The following TSC22D2 variants were observed in gnomAD, a reference collection of about 807,000 sequenced individuals.
TSC22D2 encodes TSC22 domain family protein 2.
TSC22D2 carries 5 observed loss-of-function variants against 50.1 expected under a neutral mutation model. The observed-to-expected ratio is 0.10, with a 90% CI of 0.05 to 0.21. The LOEUF is 0.21. Among genes scored for constraint, TSC22D2 ranks in the 10% least tolerant of loss-of-function variants. TSC22D2 has a pLI of 1.00. For missense variants in TSC22D2, 1,003 were observed against 1,015.5 expected (o/e 0.99, Z 0.17); for synonymous variants, 501 against 450.1 (o/e 1.11, Z -1.43).
rs201481721 is a variant in TSC22D2 at position 150,459,117 on chromosome 3, TCA to T, written c.*484_*485del. On this transcript the variant is annotated 3_prime_UTR_variant, in exon 3 of 3. Coordinates refer to ENST00000688009, the MANE Select transcript of TSC22D2 (RefSeq NM_001303264.2). ...ATTTTCATAATGTACATGAACAATG[TCA>T]CAGAACTTTTTTAATTTTTTTGAAT... The T allele has an allele frequency of 0.024, 3,628 of 152,770 alleles. 57 individuals are homozygous for T. Among genetic ancestry groups the T allele is most frequent in the Middle Eastern group, 0.065 (19 of 294 alleles). The allele number at this position is 152,770 out of a possible 1,614,324, so 9.5% of individuals were successfully genotyped here. A position where few individuals can be genotyped will look rare whatever the true frequency, so the allele number is the denominator to read the frequency against.
chr3:150,434,289 C>T (rs1046068070), intron 1 of TSC22D2, among the ~76,000 whole-genome samples: 2 of 151,710 alleles, frequency 1.3e-5, no homozygotes, highest in African/African-American at 2.4e-5. Flanking sequence ...ATTACAGGCA[C>T]CACCACCACG....
At chr3:150,429,789 C>A (rs75098153) in intron 1 of TSC22D2, among the ~76,000 whole-genome samples, 1 of 152,112 alleles carries the variant, frequency 6.6e-6, no homozygotes, top group Non-Finnish European at 1.5e-5. Context: ...TTTAACAATA[C>A]GTGTTTGTCC....
At position 150,409,930 on chromosome 3, in the gene TSC22D2, G is replaced by C; in HGVS notation, c.580G>C (p.Val194Leu). Residue 194 changes from valine to leucine, a missense_variant, in exon 1 of 3, where the codon GTC becomes CTC. Val to Leu is a conservative substitution (Grantham distance 32). This residue lies in a region of TSC22D2 where 696 missense variants were observed against 647.8 expected (regional missense o/e 1.07). Coordinates refer to ENST00000688009, the MANE Select transcript of TSC22D2 (RefSeq NM_001303264.2). The surrounding 1 kb of genome is among the most constrained non-coding windows in gnomAD (Gnocchi z 7.4). The part of the protein sequence containing the change: ...EYYERDSDSS[V>L]LTRSGDCIRH... ...CTATGAGAGGGATTCAGACAGCAGC[G>C]TCCTGACTAGATCCGGGGATTGCAT... 1 of 1,613,978 alleles carries C rather than the reference G, an allele frequency of 6.2e-7. No homozygotes were observed. The highest frequency in any genetic ancestry group is 8.5e-7 in the Non-Finnish European group (1 of 1,180,042).
intron 1 of TSC22D2, among the ~76,000 whole-genome samples, chr3:150,455,565 T>C (rs934528124): frequency 1.7e-4 from 26 of 152,330 alleles, no homozygotes; most frequent in African/African-American, 4.8e-4. Flanking sequence ...CATTGAGGCA[T>C]TGACATCAAC....
chr3:150,420,731 G>C (rs1390016355), intron 1 of TSC22D2, among the ~76,000 whole-genome samples: 1 of 152,180 alleles, frequency 6.6e-6, no homozygotes, highest in Non-Finnish European at 1.5e-5. Flanking sequence ...AATTTACCTG[G>C]AATATGAATT....
rs755470637 is a variant in TSC22D2 at position 150,409,688 on chromosome 3, T to C, written c.338T>C (p.Val113Ala). Residue 113 changes from valine to alanine, a missense_variant, in exon 1 of 3, where the codon GTG (valine) becomes GCG (alanine). By Grantham distance (64) the Val-to-Ala change is moderately conservative. Transcript: ENST00000688009. This position sits in a 1 kb window ranked among gnomAD's most constrained non-coding sequence, Gnocchi z 7.4. ...NGGGVVSARS[V>A]SGALASTLAA... ...GGAGGAGTCGTTTCGGCCCGGAGCG[T>C]GTCTGGGGCGCTCGCCAGTACCCTG... The C allele has an allele frequency of 6.3e-6, 10 of 1,589,548 alleles. No homozygotes were observed. Among genetic ancestry groups the C allele is most frequent in the Non-Finnish European group, 8.5e-6 (10 of 1,169,690 alleles).
At chr3:150,434,683 C>T (rs1312782602) in intron 1 of TSC22D2, among the ~76,000 whole-genome samples, 2 of 152,070 alleles carry the variant, frequency 1.3e-5, no homozygotes, top group Non-Finnish European at 2.9e-5. Flanking sequence ...CTTCTTAGAG[C>T]TGTTTTTCAA....
intron 1 of TSC22D2, among the ~76,000 whole-genome samples, chr3:150,419,701 G>C (rs1185644662): frequency 6.6e-6 from 1 of 152,098 alleles, no homozygotes; most frequent in African/African-American, 2.4e-5. Flanking sequence ...CACATGCTTT[G>C]AGTCATTTTC....
chr3:150,428,681 A>G (rs1720279577), intron 1 of TSC22D2, among the ~76,000 whole-genome samples: 1 of 152,024 alleles, frequency 6.6e-6, no homozygotes, highest in Middle Eastern at 3.2e-3. Context: ...CACAAAAACT[A>G]ATGTGATTTT....
intron 1 of TSC22D2, among the ~76,000 whole-genome samples, chr3:150,416,448 T>C (rs1719806465): frequency 6.6e-6 from 1 of 152,158 alleles, no homozygotes; most frequent in Non-Finnish European, 1.5e-5. Flanking sequence ...ACTCCTAAAT[T>C]AGAATAAATT....
intron 1 of TSC22D2, among the ~76,000 whole-genome samples, chr3:150,438,843 T>A (rs1344214524): frequency 1.3e-5 from 2 of 152,176 alleles, no homozygotes; most frequent in African/African-American, 4.8e-5. Context: ...TTTTTTCAAT[T>A]CTTACATTGA....
intron 1 of TSC22D2, among the ~76,000 whole-genome samples, chr3:150,422,157 C>T (rs1720032352): frequency 6.6e-6 from 1 of 152,234 alleles, no homozygotes; most frequent in African/African-American, 2.4e-5. Flanking sequence ...TGTTCTGCTA[C>T]AGCATGGGCT....
chr3:150,417,893 T>C (rs547043756), intron 1 of TSC22D2, among the ~76,000 whole-genome samples: 1 of 152,256 alleles, frequency 6.6e-6, no homozygotes, highest in African/African-American at 2.4e-5. Context: ...TAGGGAATTG[T>C]GTTCCAGTCC....
At chr3:150,433,667 T>G (rs747359941) in intron 1 of TSC22D2, among the ~76,000 whole-genome samples, 2 of 152,238 alleles carry the variant, frequency 1.3e-5, no homozygotes, top group Non-Finnish European at 2.9e-5. Context: ...GGATAGTACT[T>G]AGTCCAGAAA....
At chr3:150,439,134 G>A (rs996070814) in intron 1 of TSC22D2, among the ~76,000 whole-genome samples, 1 of 152,054 alleles carries the variant, frequency 6.6e-6, no homozygotes, top group South Asian at 2.1e-4. Flanking sequence ...TGTCCAAGGT[G>A]ATATAATTGT....
chr3:150,411,123 C>T lies in TSC22D2; in HGVS notation c.1773C>T (p.Val591=). 1 of 1,614,116 alleles carries T rather than the reference C, an allele frequency of 6.2e-7. No homozygotes were observed. The highest frequency in any genetic ancestry group is 8.5e-7 in the Non-Finnish European group (1 of 1,180,040). The change falls in exon 1 of 3, where the codon GTC becomes GTT. Residue 591 remains valine (V), a synonymous_variant. Coordinates refer to ENST00000688009, the MANE Select transcript of TSC22D2 (RefSeq NM_001303264.2). ...QTQTQPLVGQ[V]DDTRRKSEPL... is the part of the protein sequence containing the mutation. ...AGACCCAGCCTTTAGTCGGGCAAGTCGACGATACTAGAAGAAAATCAGAAC... is the reference window on the plus strand; with the variant it reads ...AGACCCAGCCTTTAGTCGGGCAAGTTGACGATACTAGAAGAAAATCAGAAC...
chr3:150,458,283 T>C, intron 2 of TSC22D2, 93 bp from the exon 3 acceptor site: 2 of 1,291,338 alleles, frequency 1.5e-6, no homozygotes, highest in Non-Finnish European at 2.1e-6. Context: ...GCAGGAAAAC[T>C]AGTATAAAAA....
intron 1 of TSC22D2, 67 bp downstream of exon 1, chr3:150,411,375 C>T (rs1719563260): frequency 2.1e-6 from 3 of 1,426,110 alleles, no homozygotes; most frequent in Admixed American, 4.9e-5. Context: ...TAGGATGCAA[C>T]TTTGGGAGAT....
intron 1 of TSC22D2, among the ~76,000 whole-genome samples, chr3:150,450,513 T>C (rs1576557113): frequency 6.6e-6 from 1 of 152,204 alleles, no homozygotes; most frequent in East Asian, 1.9e-4. Context: ...GAACTGATGG[T>C]CAATAATTAG....
Sources: gnomAD v4.1 joint callset for allele counts (sites outside exome capture counted in the v4.1 genomes callset) on GRCh38, gnomAD v4.1.1 for gene constraint, gnomAD v4.1.1 regional missense constraint, Gnocchi (gnomAD v3.1) non-coding constraint, MANE v1.5 for transcripts, NCBI Gene and HGNC (gene_info 2026-07-23, HGNC 2026-07-21) for gene names.